The following TRHDE variants were observed in gnomAD, a reference collection of about 807,000 sequenced individuals.
TRHDE encodes thyrotropin-releasing hormone-degrading ectoenzyme.
A neutral mutation model predicts 125.7 loss-of-function variants in TRHDE; 72 were observed. The ratio of observed to expected loss-of-function variants is 0.57; its 90% CI spans 0.47 to 0.70. TRHDE has a LOEUF of 0.70. Ranked by LOEUF, TRHDE falls within the 30% of genes least tolerant of loss-of-function variation. The pLI is 0.00. For missense variants in TRHDE, 1,110 were observed against 1,327.1 expected (o/e 0.84, Z 2.54); for synonymous variants, 509 against 509.1 (o/e 1.00, Z 0.00).
chr12:72,169,408 A>G (rs1000779785), intron 2 of TRHDE, among the ~76,000 whole-genome samples: 1 of 152,116 alleles, frequency 6.6e-6, no homozygotes, highest in Admixed American at 6.6e-5. Flanking sequence ...ACAGGAATTT[A>G]TTTTCTTACA....
chr12:72,633,684 T>C (rs1873592853), intron 15 of TRHDE, among the ~76,000 whole-genome samples: 1 of 152,070 alleles, frequency 6.6e-6, no homozygotes, highest in African/African-American at 2.4e-5. Context: ...CTAGGGGGCA[T>C]TGTAGAGATT....
At chr12:72,515,410 G>A (rs866378398) in intron 6 of TRHDE, among the ~76,000 whole-genome samples, 18 of 150,778 alleles carry the variant, frequency 1.2e-4, no homozygotes, top group Middle Eastern at 3.4e-3. Context: ...ATTTTTTCAT[G>A]TGTTTTTTGG....
At chr12:72,088,417 G>T (rs1009286012) in intron 1 of TRHDE, among the ~76,000 whole-genome samples, 2 of 152,032 alleles carry the variant, frequency 1.3e-5, no homozygotes, top group African/African-American at 4.8e-5. Flanking sequence ...TAGGCTGTTT[G>T]ACAATGGGCA....
intron 15 of TRHDE, among the ~76,000 whole-genome samples, chr12:72,635,242 T>C (rs372868693): frequency 8.1e-4 from 123 of 152,026 alleles, no homozygotes; most frequent in Non-Finnish European, 1.2e-3. Flanking sequence ...TTGCATTTCT[T>C]TGATGGCCAG....
At chr12:72,535,592 C>CT (rs1026103233) in intron 6 of TRHDE, among the ~76,000 whole-genome samples, 2 of 151,692 alleles carry the variant, frequency 1.3e-5, no homozygotes, top group Admixed American at 6.6e-5. Context: ...TTCTGCCTTT[C>CT]TTTTTTGTAA....
At chr12:72,622,468 A>C (rs1873092705) in intron 15 of TRHDE, among the ~76,000 whole-genome samples, 1 of 152,114 alleles carries the variant, frequency 6.6e-6, no homozygotes, top group East Asian at 1.9e-4. Context: ...TTCTTTTTAC[A>C]CTTTGGACAA....
Position 72,476,029 on chromosome 12 carries a change from G to A in TRHDE, c.1584+2849G>A, listed in dbSNP as rs921520788. On this transcript the variant is annotated intron_variant, in intron 5 of 18. Transcript: ENST00000261180. ...CCTCACAGGTTCAAGTGATCCTCAT[G>A]CCTCAGCCTCCCAAGTAGCTGGGAT... 7.9e-5 allele frequency among the ~76,000 whole-genome samples: 12 copies of A among 152,046 alleles called. No homozygotes were observed. The East Asian group carries it at 9.7e-4, about 12-fold the overall frequency.
intron 12 of TRHDE, among the ~76,000 whole-genome samples, chr12:72,611,573 C>T (rs559939184): frequency 6.6e-6 from 1 of 152,266 alleles, no homozygotes; most frequent in African/African-American, 2.4e-5. Flanking sequence ...AACCAAGCTC[C>T]TTCATTTCAT....
At chr12:72,576,265 G>A (rs1316566167) in intron 12 of TRHDE, among the ~76,000 whole-genome samples, 1 of 152,022 alleles carries the variant, frequency 6.6e-6, no homozygotes, top group Non-Finnish European at 1.5e-5. Flanking sequence ...AATTAAGACA[G>A]GTGACTCTCT....
chr12:72,238,531 A>G (rs11179128), intron 2 of TRHDE, among the ~76,000 whole-genome samples: 51,326 of 149,714 alleles, frequency 0.34, 9,563 homozygotes, highest in Non-Finnish European at 0.42. Context: ...TCCTAATGCT[A>G]TCCCTCCCCT....
At chr12:72,502,348 G>T (rs1878193125) in intron 6 of TRHDE, among the ~76,000 whole-genome samples, 1 of 151,898 alleles carries the variant, frequency 6.6e-6, no homozygotes, top group African/African-American at 2.4e-5. Context: ...TTGATATGTT[G>T]AAGTTTCATT....
chr12:72,089,194 C>G (rs149502586), intron 1 of TRHDE, among the ~76,000 whole-genome samples: 2 of 152,282 alleles, frequency 1.3e-5, no homozygotes, highest in East Asian at 1.9e-4. Context: ...CCAGCCACTT[C>G]TCACCACTTT....
chr12:72,146,732 G>A (rs989196494), intron 2 of TRHDE, among the ~76,000 whole-genome samples: 9 of 152,204 alleles, frequency 5.9e-5, no homozygotes, highest in African/African-American at 1.9e-4. Flanking sequence ...GTCCGCAGAC[G>A]GCTTCAGTGT....
chr12:72,641,815 G>C (rs572068013), intron 15 of TRHDE, among the ~76,000 whole-genome samples: 1 of 152,032 alleles, frequency 6.6e-6, no homozygotes, highest in Non-Finnish European at 1.5e-5. Context: ...TCATTCCACT[G>C]TTTTTATGAA....
chr12:72,597,722 T>C (rs1291909137), intron 12 of TRHDE, among the ~76,000 whole-genome samples: 13 of 5,520 alleles, frequency 2.4e-3, no homozygotes, highest in East Asian at 0.016. Flanking sequence ...TGTATATATA[T>C]ATATATATAT....
intron 2 of TRHDE, among the ~76,000 whole-genome samples, chr12:72,348,066 C>A (rs370280642): frequency 1.5e-4 from 23 of 151,600 alleles, no homozygotes; most frequent in African/African-American, 5.3e-4. Context: ...AATTGACAAT[C>A]AAAAATTATA....
At chr12:72,655,614 C>T (rs566185606) in intron 17 of TRHDE, among the ~76,000 whole-genome samples, 5 of 152,050 alleles carry the variant, frequency 3.3e-5, no homozygotes, top group Non-Finnish European at 7.3e-5. Flanking sequence ...AGCCACAATA[C>T]GTGGAAATTA....
chr12:72,518,786 G>A lies in TRHDE; in HGVS notation c.1722+19151G>A, dbSNP rs1483803781. Among the ~76,000 whole-genome samples, 5 of 152,186 alleles carry A rather than the reference G, an allele frequency of 3.3e-5. No individual in the cohort carries two copies. The East Asian group carries it at 9.6e-4, about 29-fold the overall frequency. On this transcript the variant is annotated intron_variant, in intron 6 of 18. Coordinates refer to ENST00000261180, the MANE Select transcript of TRHDE (RefSeq NM_013381.3). The stretch of plus-strand genomic sequence containing the variant: ...CATGATTTTGCAGCGGCTGGTACTG[G>A]TCGTTCCTTTCCATGTTTAGTGCTT...
intron 6 of TRHDE, among the ~76,000 whole-genome samples, chr12:72,527,495 G>T (rs2636565): frequency 6.6e-6 from 1 of 151,260 alleles, no homozygotes; most frequent in Non-Finnish European, 1.5e-5. Context: ...GGGACCAGAA[G>T]AAATGGCCAT....
Sources: allele counts gnomAD v4.1 joint callset (sites outside exome capture counted in the v4.1 genomes callset), GRCh38; gene constraint gnomAD v4.1.1; transcripts MANE v1.5; gene names NCBI Gene and HGNC (gene_info 2026-07-23, HGNC 2026-07-21).